GABRA4: variants seen among roughly 807,000 people sequenced by gnomAD.
GABRA4 encodes gamma-aminobutyric acid receptor subunit alpha-4.
In GABRA4, 12 loss-of-function variants were observed where a neutral mutation model predicts 49.7. The observed-to-expected ratio is 0.24, with a 90% CI of 0.15 to 0.39. The LOEUF is 0.39. Among genes scored for constraint, GABRA4 ranks in the 10% least tolerant of loss-of-function variants. The pLI, the probability that GABRA4 is intolerant of heterozygous loss-of-function variation, is 1.00. For missense variants in GABRA4, 506 were observed against 686.0 expected (o/e 0.74, Z 2.93); for synonymous variants, 288 against 240.2 (o/e 1.20, Z -1.84).
At chr4:46,964,833 A>T in intron 8 of GABRA4, 137 bp downstream of exon 8, 2 of 919,604 alleles carry the variant, frequency 2.2e-6, no homozygotes, top group Non-Finnish European at 3.2e-6. Flanking sequence ...TCATACAGTT[A>T]CTTTTATGTT....
At chr4:46,939,186 C>T (rs541087179) in intron 8 of GABRA4, among the ~76,000 whole-genome samples, 4 of 152,080 alleles carry the variant, frequency 2.6e-5, no homozygotes, top group Admixed American at 6.6e-5. Flanking sequence ...TACTCTTCCT[C>T]GTCAACAGAA....
Position 46,977,625 on chromosome 4 carries a change from G to A in GABRA4, c.279C>T (p.Tyr93=), listed in dbSNP as rs1723193150. ...TCTGCCTGAAGAACACATCCATTGT[G>A]TATTCCTAGGACAATTATTTTGGAA... The part of the protein sequence containing the change: ...FGPVSDVEME[Y]TMDVFFRQTW... Residue 93 remains tyrosine (Y), a synonymous_variant, in exon 4 of 9, where the codon TAC becomes TAT. Transcript: ENST00000264318. The A allele has an allele frequency of 1.2e-6, 2 of 1,605,008 alleles. No individual in the cohort carries two copies. Among genetic ancestry groups the A allele is most frequent in the Non-Finnish European group, 1.7e-6 (2 of 1,174,014 alleles).
rs1721261273 is a variant in GABRA4 at position 46,927,255 on chromosome 4, A to C, written c.*970T>G. 1 of 152,596 alleles carries C rather than the reference A, an allele frequency of 6.6e-6. No individual in the cohort carries two copies. The highest frequency in any genetic ancestry group is 2.1e-4 in the South Asian group (1 of 4,826). 9.5% of individuals were successfully genotyped at this position (152,596 alleles called of 1,614,324 possible). Reference sequence around the variant, plus strand: ...ATCTATTTTGAAAACCAATTGCTGAAGTTGTACTGACATCAAAGTGGTTAT... The same window carrying C: ...ATCTATTTTGAAAACCAATTGCTGACGTTGTACTGACATCAAAGTGGTTAT... On this transcript the variant is annotated 3_prime_UTR_variant, in exon 9 of 9. Coordinates refer to ENST00000264318, the MANE Select transcript of GABRA4 (RefSeq NM_000809.4).
In GABRA4 at chr4:46,934,181, G is replaced by A. The variant is rs1052983777; in HGVS notation, c.1135-5426C>T. Among the ~76,000 whole-genome samples, 7 of 151,872 alleles carry A rather than the reference G, an allele frequency of 4.6e-5. No individual in the cohort carries two copies. In the South Asian group the frequency reaches 1.2e-3, roughly 27 times the overall value. ...ATTAAAAACTAACAAGACTGATAAC[G>A]AATAGGTTTATCTTCTAGAATATCA... is the stretch of plus-strand genomic sequence containing the variant. On this transcript the variant is annotated intron_variant, in intron 8 of 8. Coordinates refer to ENST00000264318, the MANE Select transcript of GABRA4 (RefSeq NM_000809.4).
Position 46,928,508 on chromosome 4 carries a change from G to A in GABRA4, c.1382C>T (p.Thr461Ile). The A allele has an allele frequency of 6.2e-7, 1 of 1,613,646 alleles. No individual in the cohort carries two copies. The highest frequency in any genetic ancestry group is 8.5e-7 in the Non-Finnish European group (1 of 1,179,724). The change falls in exon 9 of 9, where the codon ACT becomes ATT. Residue 461 changes from threonine (T) to isoleucine (I), a missense_variant. This residue lies in a region of GABRA4 where 243 missense variants were observed against 210.8 expected (regional missense o/e 1.15). Transcript: ENST00000264318. ...LPSASPTSIR[T>I]GYMPRKASVG... is the part of the protein sequence containing the mutation. ...TGAAGCCTTTCGAGGCATATATCCA[G>A]TTCGGATAGAAGTAGGAGAAGCAGA...
intron 6 of GABRA4, 47 bp from the exon 7 acceptor site, chr4:46,971,282 T>C (rs776795829): frequency 7.1e-6 from 11 of 1,549,350 alleles, no homozygotes; most frequent in South Asian, 1.1e-5. Context: ...CTGCAGGCAA[T>C]TAGTCAATGG....
intron 2 of GABRA4, among the ~76,000 whole-genome samples, chr4:46,980,412 T>C (rs1260076051): frequency 6.7e-6 from 1 of 149,378 alleles, no homozygotes; most frequent in Non-Finnish European, 1.5e-5. Flanking sequence ...TTGGTATCAC[T>C]TAATTCCTTA....
At chr4:46,971,883 T>C (rs967489304) in intron 6 of GABRA4, among the ~76,000 whole-genome samples, 1 of 151,514 alleles carries the variant, frequency 6.6e-6, no homozygotes, top group African/African-American at 2.4e-5. Context: ...AGTTCAAGCA[T>C]GTTTTACTGG....
chr4:46,982,389 A>T (rs540588046), intron 2 of GABRA4, among the ~76,000 whole-genome samples: 2 of 152,190 alleles, frequency 1.3e-5, no homozygotes, highest in South Asian at 4.1e-4. Context: ...AGACACACAC[A>T]CACACACATA....
At chr4:46,986,221 C>T (rs1255972299) in intron 2 of GABRA4, among the ~76,000 whole-genome samples, 3 of 151,990 alleles carry the variant, frequency 2.0e-5, no homozygotes. Flanking sequence ...TCTACCATCG[C>T]AATTTCTCTG....
At chr4:46,941,739 C>T (rs1013626542) in intron 8 of GABRA4, among the ~76,000 whole-genome samples, 3 of 151,980 alleles carry the variant, frequency 2.0e-5, no homozygotes, top group Admixed American at 6.6e-5. Context: ...ATTTAGTTTT[C>T]CTAGGTGGAC....
intron 8 of GABRA4, among the ~76,000 whole-genome samples, chr4:46,946,904 TAATA>T (rs1041767461): frequency 1.2e-4 from 18 of 152,248 alleles, no homozygotes; most frequent in African/African-American, 4.3e-4. Flanking sequence ...ATTGTGGAAT[TAATA>T]AATAAAAATT....
At position 46,977,568 on chromosome 4, in the gene GABRA4, G is replaced by T; in HGVS notation, c.336C>A (p.Gly112=). ...TGTTCAATCTCAAAATTTCAATGGG[G>T]CCGTCATATTTTAATCTTTTGTCAA... ...TWIDKRLKYD[G]PIEILRLNNM... The change falls in exon 4 of 9, where the codon GGC becomes GGA. Residue 112 remains glycine, a synonymous_variant. Coordinates refer to ENST00000264318, the MANE Select transcript of GABRA4 (RefSeq NM_000809.4). The T allele has an allele frequency of 1.2e-6, 2 of 1,613,056 alleles. No homozygotes were observed. The highest frequency in any genetic ancestry group is 1.7e-6 in the Non-Finnish European group (2 of 1,179,422).
intron 2 of GABRA4, among the ~76,000 whole-genome samples, chr4:46,985,363 A>G (rs1487014947): frequency 1.3e-5 from 2 of 151,940 alleles, no homozygotes; most frequent in Non-Finnish European, 2.9e-5. Context: ...CAAGTCCTAC[A>G]CTTTGTGCTG....
intron 8 of GABRA4, among the ~76,000 whole-genome samples, chr4:46,947,598 C>G (rs998618151): frequency 6.6e-6 from 1 of 151,560 alleles, no homozygotes; most frequent in African/African-American, 2.4e-5. Context: ...GGAAGTAAAA[C>G]AGGAAGGAAA....
rs772305010 is a variant in GABRA4, at chr4:46,977,186, G to C, written c.495-43C>G. On this transcript the variant is annotated intron_variant, in intron 4 of 8. Coordinates refer to ENST00000264318, the MANE Select transcript of GABRA4 (RefSeq NM_000809.4). ...ATTAAATAAAATCAACCCTTTTAAA[G>C]AATAATTGTGACTTTAGATTCTAAA... is the stretch of plus-strand genomic sequence containing the variant. 7.1e-6 allele frequency: 9 copies of C among 1,269,524 alleles called. No homozygotes were observed. The East Asian group carries it at 2.3e-4, about 33-fold the overall frequency. 78.6% of individuals were successfully genotyped at this position (1,269,524 alleles called of 1,614,324 possible). A position where few individuals can be genotyped will look rare whatever the true frequency, so the allele number is the denominator to read the frequency against.
intron 8 of GABRA4, 100 bp downstream of exon 8, chr4:46,964,870 G>A (rs112239778): frequency 0.032 from 39,666 of 1,244,664 alleles, 708 homozygotes; most frequent in Middle Eastern, 0.057. Context: ...TGACTTACAA[G>A]TTGATATCAG....
chr4:46,932,183 C>T (rs1423117264), intron 8 of GABRA4, among the ~76,000 whole-genome samples: 2 of 152,076 alleles, frequency 1.3e-5, no homozygotes, highest in African/African-American at 2.4e-5. Context: ...CTAATCCACA[C>T]GCTAGCTGAA....
intron 8 of GABRA4, among the ~76,000 whole-genome samples, chr4:46,948,717 T>C (rs989876355): frequency 6.6e-6 from 1 of 152,052 alleles, no homozygotes; most frequent in Non-Finnish European, 1.5e-5. Context: ...CCAGCATGTA[T>C]TTTCATTCAG....
Sources: gnomAD v4.1 joint callset for allele counts (sites outside exome capture counted in the v4.1 genomes callset) on GRCh38, gnomAD v4.1.1 for gene constraint, gnomAD v4.1.1 regional missense constraint, MANE v1.5 for transcripts, NCBI Gene and HGNC (gene_info 2026-07-23, HGNC 2026-07-21) for gene names.